Variants in EXOC3 observed in about 807,000 individuals in gnomAD.
The protein encoded by EXOC3 is exocyst complex component 3.
EXOC3 carries 21 observed loss-of-function variants against 73.7 expected under a neutral mutation model. That is an observed-to-expected ratio of 0.29 (90% CI 0.20 to 0.41). The LOEUF (loss-of-function observed/expected upper bound fraction) is 0.41, where lower values mean the gene tolerates loss of function less well. Ranked by LOEUF, EXOC3 falls within the 10% of genes least tolerant of loss-of-function variation. The probability of loss-of-function intolerance (pLI) is 1.00; values close to 1 mark genes in which losing one functional copy is unlikely to be tolerated. For missense variants in EXOC3, 842 were observed against 985.1 expected (o/e 0.85, Z 1.95); for synonymous variants, 410 against 389.1 (o/e 1.05, Z -0.63).
rs1177264976 is a variant in EXOC3, at chr5:459,311, A to G, written c.1291-48A>G. On this transcript the variant is annotated intron_variant, in intron 6 of 12. Coordinates refer to ENST00000512944, the MANE Select transcript of EXOC3 (RefSeq NM_007277.5). ...ATAACAGCAAACCTGCACTCTTAGT[A>G]TACTCCTGTAAGATTATACCAGAAT... is the stretch of plus-strand genomic sequence containing the variant. 6.7e-6 allele frequency: 7 copies of G among 1,037,936 alleles called. No homozygotes were observed. In the East Asian group the frequency reaches 1.9e-4, roughly 28 times the overall value. The allele number at this position is 1,037,936 out of a possible 1,614,324, so 64.3% of individuals were successfully genotyped here.
chr5:464,012 C>A (rs1738061217), intron 9 of EXOC3, among the ~76,000 whole-genome samples: 1 of 152,254 alleles, frequency 6.6e-6, no homozygotes, highest in Non-Finnish European at 1.5e-5. Flanking sequence ...GTGCGCATTG[C>A]TGTTGTAATT....
intron 2 of EXOC3, chr5:447,291 G>C: frequency 2.0e-6 from 1 of 489,272 alleles, no homozygotes. Context: ...GGAGTGTCCT[G>C]ACCTTTTCTC....
intron 3 of EXOC3, among the ~76,000 whole-genome samples, chr5:449,501 G>C (rs1737596578): frequency 1.3e-5 from 2 of 152,202 alleles, no homozygotes; most frequent in African/African-American, 4.8e-5. Flanking sequence ...TTCTGTCTCT[G>C]TGAATTGGAT....
At chr5:450,334 A>G (rs1022679917) in intron 3 of EXOC3, among the ~76,000 whole-genome samples, 12 of 152,328 alleles carry the variant, frequency 7.9e-5, no homozygotes, top group African/African-American at 2.9e-4. Context: ...AATTTCCACA[A>G]ATTGGTGAAT....
At chr5:458,169 T>C in intron 6 of EXOC3, 144 bp downstream of exon 6, 1 of 789,426 alleles carries the variant, frequency 1.3e-6, no homozygotes, top group Admixed American at 2.9e-5. Flanking sequence ...TGCATCTAAG[T>C]CCTCTCCTCT....
At position 456,999 on chromosome 5, in the gene EXOC3, C is replaced by T. The variant is rs1277354266; in HGVS notation, c.1157C>T (p.Thr386Met). The T allele has an allele frequency of 2.5e-6, 4 of 1,611,282 alleles. No individual in the cohort carries two copies. The highest frequency in any genetic ancestry group is 1.3e-5 in the African/African-American group (1 of 74,898). The change falls in exon 5 of 13, where the codon ACG becomes ATG. Residue 386 changes from threonine (T) to methionine (M), a missense_variant. Thr to Met is a moderately conservative substitution (Grantham distance 81, BLOSUM62 -1). Coordinates refer to ENST00000512944, the MANE Select transcript of EXOC3 (RefSeq NM_007277.5). ...VSELLDTYMS[T>M]LTSNIIAWLR... The stretch of plus-strand genomic sequence containing the variant: ...GAGCTGCTTGACACGTACATGTCCA[C>T]GCTCACTGTGAGTAGGGCTGGCCTG...
rs1738130738 is a variant in EXOC3, at chr5:465,810, G to A, written c.2031G>A (p.Glu677=). The change falls in exon 12 of 13, where the codon GAG becomes GAA. Residue 677 remains glutamate (E), a synonymous_variant. Coordinates refer to ENST00000512944, the MANE Select transcript of EXOC3 (RefSeq NM_007277.5). ...CAGACCCTTCTCTGCTCTACCTGGA[G>A]GTCTCCACTCTGGTCAGCAAGTATC... The part of the protein sequence containing the change: ...KLTDPSLLYL[E]VSTLVSKYPD... 6.2e-7 allele frequency: 1 copy of A among 1,613,018 alleles called. No homozygotes were observed. Among genetic ancestry groups the A allele is most frequent in the Non-Finnish European group, 8.5e-7 (1 of 1,179,532 alleles).
At chr5:444,082 C>A (rs1452713395) in intron 1 of EXOC3, among the ~76,000 whole-genome samples, 1 of 152,116 alleles carries the variant, frequency 6.6e-6, no homozygotes, top group Non-Finnish European at 1.5e-5. Context: ...GTCTCCCTGG[C>A]GCAGGTGTCT....
rs186497838 is a variant in EXOC3, at chr5:443,763, C to T, written c.-57+473C>T. On this transcript the variant is annotated intron_variant, in intron 1 of 12. Transcript: ENST00000512944. ...TCCCCTCAAGCACAGGTGTCCCTCCCAGGCACAAGTGTACTTCCTGGTGCA... is the reference window on the plus strand; with the variant it reads ...TCCCCTCAAGCACAGGTGTCCCTCCTAGGCACAAGTGTACTTCCTGGTGCA... Among the ~76,000 whole-genome samples, 416 of 150,012 alleles carry T rather than the reference C, an allele frequency of 2.8e-3. 3 individuals are homozygous for T. Among genetic ancestry groups the T allele is most frequent in the African/African-American group, 9.6e-3 (388 of 40,622 alleles).
chr5:452,636 C>T (rs1009167131), intron 3 of EXOC3, among the ~76,000 whole-genome samples: 1 of 152,170 alleles, frequency 6.6e-6, no homozygotes. Context: ...TGTGATAACT[C>T]TGGAAATCAG....
chr5:463,661 A>C (rs1170125348), intron 9 of EXOC3, among the ~76,000 whole-genome samples: 3 of 152,072 alleles, frequency 2.0e-5, no homozygotes, highest in African/African-American at 7.3e-5. Flanking sequence ...TTGGAGTTTT[A>C]ATTTGTATAC....
intron 9 of EXOC3, among the ~76,000 whole-genome samples, chr5:463,854 A>G (rs1738057757): frequency 6.6e-6 from 1 of 152,276 alleles, no homozygotes; most frequent in African/African-American, 2.4e-5. Flanking sequence ...CGATAAATAT[A>G]TGTAGCCACT....
chr5:452,213 T>C (rs1258891380), intron 3 of EXOC3, among the ~76,000 whole-genome samples: 2 of 152,224 alleles, frequency 1.3e-5, no homozygotes, highest in African/African-American at 4.8e-5. Context: ...TCTGTTCACT[T>C]TTCTTCAATC....
intron 11 of EXOC3, 63 bp downstream of exon 11, chr5:465,335 A>G: frequency 6.6e-7 from 1 of 1,519,346 alleles, no homozygotes; most frequent in Non-Finnish European, 8.9e-7. Context: ...TTCAGCCTCC[A>G]CCCCGGGACT....
rs1190286279 is a variant in EXOC3 at position 446,150 on chromosome 5, T to C, written c.-56T>C. ...TCTACCGTCCTAACAACTCCTGCAGTGCACAGAGAACACCCCTAGCATGAA... is the reference window on the plus strand; with the variant it reads ...TCTACCGTCCTAACAACTCCTGCAGCGCACAGAGAACACCCCTAGCATGAA... On this transcript the variant is annotated splice_region_variant and 5_prime_UTR_variant, in exon 2 of 13. Transcript: ENST00000512944. The C allele has an allele frequency of 2.5e-6, 4 of 1,609,110 alleles. No individual in the cohort carries two copies. The highest frequency in any genetic ancestry group is 3.4e-6 in the Non-Finnish European group (4 of 1,175,926).
At chr5:459,505 A>T in intron 7 of EXOC3, 46 bp downstream of exon 7, 1 of 1,125,178 alleles carries the variant, frequency 8.9e-7, no homozygotes, top group African/African-American at 1.6e-5. Flanking sequence ...GAATGTTTTT[A>T]AAAATTAGAA....
Position 466,958 on chromosome 5 carries a change from G to C in EXOC3, c.*60G>C. 1 of 1,480,972 alleles carries C rather than the reference G, an allele frequency of 6.8e-7. No homozygotes were observed. Among genetic ancestry groups the C allele is most frequent in the Non-Finnish European group, 9.1e-7 (1 of 1,094,052 alleles). The allele number at this position is 1,480,972 out of a possible 1,614,324, so 91.7% of individuals were successfully genotyped here. On this transcript the variant is annotated 3_prime_UTR_variant, in exon 13 of 13. Coordinates refer to ENST00000512944, the MANE Select transcript of EXOC3 (RefSeq NM_007277.5). ...CCTCGGTCCCTGCCTTTAGAAACGC[G>C]GGACAGCTGATTGCTCTCCTTGGCC...
intron 9 of EXOC3, among the ~76,000 whole-genome samples, chr5:463,153 C>T (rs1738039048): frequency 6.6e-6 from 1 of 152,038 alleles, no homozygotes; most frequent in South Asian, 2.1e-4. Flanking sequence ...TCTGGTGGTC[C>T]TGCTGGAAAG....
At chr5:446,628 C>G (rs896009163) in intron 2 of EXOC3, among the ~76,000 whole-genome samples, 1 of 152,200 alleles carries the variant, frequency 6.6e-6, no homozygotes, top group Non-Finnish European at 1.5e-5. Context: ...GAGGCCGAGG[C>G]AGGCGGATCA....
Sources: allele counts gnomAD v4.1 joint callset (sites outside exome capture counted in the v4.1 genomes callset), GRCh38; gene constraint gnomAD v4.1.1; transcripts MANE v1.5; gene names NCBI Gene and HGNC (gene_info 2026-07-23, HGNC 2026-07-21).